SSTR1: variants seen among roughly 807,000 people sequenced by gnomAD.
The protein encoded by SSTR1 is somatostatin receptor 1.
In SSTR1, 10 loss-of-function variants were observed where a neutral mutation model predicts 20.7. That is an observed-to-expected ratio of 0.48 (90% CI 0.30 to 0.82). The LOEUF is 0.82. SSTR1 is among the 40% of genes least tolerant of loss of function. The pLI, the probability that SSTR1 is intolerant of heterozygous loss-of-function variation, is 0.07. For synonymous variants in SSTR1, 267 were observed against 227.8 expected, an observed-to-expected ratio of 1.17 and a Z score of -1.55; for missense variants, 494 against 540.0, an observed-to-expected ratio of 0.91 and a Z score of 0.84.
rs775814651 is a variant in SSTR1 at position 38,209,432 on chromosome 14, A to G, written c.43A>G (p.Ser15Gly). 1 of 1,543,952 alleles carries G rather than the reference A, an allele frequency of 6.5e-7. No individual in the cohort carries two copies. The highest frequency in any genetic ancestry group is 8.7e-7 in the Non-Finnish European group (1 of 1,146,846). Residue 15 changes from serine to glycine, a missense_variant, in exon 3 of 3, where the codon AGC becomes GGC. Ser to Gly is a moderately conservative substitution (Grantham distance 56, BLOSUM62 0). Around this residue, in one of 3 missense-constraint regions of SSTR1, gnomAD observed 98 missense variants for 79.3 expected, o/e 1.24. Coordinates refer to ENST00000267377, the MANE Select transcript of SSTR1 (RefSeq NM_001049.3). ...GTASSPSSSP[S>G]PSPGSCGEGG... ...CGCCTCCTCTCCTTCCTCCTCTCCTAGCCCCAGCCCGGGCAGCTGCGGCGA... is the reference window on the plus strand; with the variant it reads ...CGCCTCCTCTCCTTCCTCCTCTCCTGGCCCCAGCCCGGGCAGCTGCGGCGA...
rs1883241882 is a variant in SSTR1, at chr14:38,207,921, T to G, written c.-695T>G. ...CCAGAGCCAGCTCACAAATCAAGCC[T>G]CAGAAAGAGCTGACATCCTAGCTCT... is the stretch of plus-strand genomic sequence containing the variant. On this transcript the variant is annotated 5_prime_UTR_variant, in exon 1 of 3. Coordinates refer to ENST00000267377, the MANE Select transcript of SSTR1 (RefSeq NM_001049.3). 6.6e-6 allele frequency: 1 copy of G among 152,178 alleles called. No homozygotes were observed. The highest frequency in any genetic ancestry group is 1.5e-5 in the Non-Finnish European group (1 of 68,050). The allele number at this position is 152,178 out of a possible 1,614,324, so 9.4% of individuals were successfully genotyped here.
Position 38,209,769 on chromosome 14 carries a change from C to A in SSTR1, c.380C>A (p.Ala127Glu). The change falls in exon 3 of 3, where the codon GCG (alanine) becomes GAG (glutamate). Residue 127 changes from alanine (A) to glutamate (E), a missense_variant. Physicochemically the swap from Ala to Glu is moderately radical, Grantham distance 107. Transcript: ENST00000267377. Reference sequence around the variant, plus strand: ...TTGTTGCGCCACTGGCCCTTCGGTGCGCTGCTCTGCCGCCTCGTGCTCAGC... The same window carrying A: ...TTGTTGCGCCACTGGCCCTTCGGTGAGCTGCTCTGCCGCCTCGTGCTCAGC... The part of the protein sequence containing the change: ...STLLRHWPFG[A>E]LLCRLVLSVD... 2.5e-6 allele frequency: 4 copies of A among 1,613,988 alleles called. No individual in the cohort carries two copies. Among genetic ancestry groups the A allele is most frequent in the Admixed American group, 1.7e-5 (1 of 60,028 alleles).
Position 38,210,676 on chromosome 14 carries a change from C to T in SSTR1, c.*111C>T. 6.9e-7 allele frequency: 1 copy of T among 1,455,470 alleles called. No individual in the cohort carries two copies. Among genetic ancestry groups the T allele is most frequent in the Non-Finnish European group, 9.1e-7 (1 of 1,103,484 alleles). 90.2% of individuals were successfully genotyped at this position (1,455,470 alleles called of 1,614,324 possible). ...GCGAAAGGGACGGTATCCAGGGCGC[C>T]AGGGTGCTGTCGGGATAACGTGGGG... On this transcript the variant is annotated 3_prime_UTR_variant, in exon 3 of 3. Transcript: ENST00000267377.
Position 38,209,149 on chromosome 14 carries a change from A to C in SSTR1, c.-241A>C. ...TCCCACATCCTGGCCTCTCCTCTCC[A>C]CGGTCGCCTGTGCCCGGGCACCCCG... On this transcript the variant is annotated 5_prime_UTR_variant, in exon 3 of 3. Coordinates refer to ENST00000267377, the MANE Select transcript of SSTR1 (RefSeq NM_001049.3). 1 of 426,188 alleles carries C rather than the reference A, an allele frequency of 2.3e-6. No homozygotes were observed. Among genetic ancestry groups the C allele is most frequent in the Non-Finnish European group, 4.0e-6 (1 of 248,060 alleles). 26.4% of individuals were successfully genotyped at this position (426,188 alleles called of 1,614,324 possible). A position where few individuals can be genotyped will look rare whatever the true frequency, so the allele number is the denominator to read the frequency against.
Position 38,210,702 on chromosome 14 carries a change from C to G in SSTR1, c.*137C>G. 1 of 1,444,570 alleles carries G rather than the reference C, an allele frequency of 6.9e-7. No homozygotes were observed. Among genetic ancestry groups the G allele is most frequent in the Non-Finnish European group, 9.1e-7 (1 of 1,096,960 alleles). The allele number at this position is 1,444,570 out of a possible 1,614,324, so 89.5% of individuals were successfully genotyped here. A position where few individuals can be genotyped will look rare whatever the true frequency, so the allele number is the denominator to read the frequency against. On this transcript the variant is annotated 3_prime_UTR_variant, in exon 3 of 3. Transcript: ENST00000267377. ...AGGGTGCTGTCGGGATAACGTGGGGCTAGGACACTGACAGCCTTTGATGGA... is the reference window on the plus strand; with the variant it reads ...AGGGTGCTGTCGGGATAACGTGGGGGTAGGACACTGACAGCCTTTGATGGA...
chr14:38,209,936 G>A lies in SSTR1; in HGVS notation c.547G>A (p.Val183Met). 6.2e-7 allele frequency: 1 copy of A among 1,613,990 alleles called. No individual in the cohort carries two copies. The highest frequency in any genetic ancestry group is 8.5e-7 in the Non-Finnish European group (1 of 1,180,036). The change falls in exon 3 of 3, where the codon GTG becomes ATG. Residue 183 changes from valine to methionine, a missense_variant. By Grantham distance (21) the Val-to-Met change is conservative. Coordinates refer to ENST00000267377, the MANE Select transcript of SSTR1 (RefSeq NM_001049.3). ...VAKVVNLGVW[V>M]LSLLVILPIV... ...CAAGGTAGTAAACCTGGGCGTGTGG[G>A]TGCTATCGCTGCTCGTCATCCTGCC...
rs1883327293 is a variant in SSTR1, at chr14:38,211,428, A to G, written c.*863A>G. 1 of 167,204 alleles carries G rather than the reference A, an allele frequency of 6.0e-6. No homozygotes were observed. The highest frequency in any genetic ancestry group is 6.5e-5 in the Admixed American group (1 of 15,290). 10.4% of individuals were successfully genotyped at this position (167,204 alleles called of 1,614,324 possible). On this transcript the variant is annotated 3_prime_UTR_variant, in exon 3 of 3. Coordinates refer to ENST00000267377, the MANE Select transcript of SSTR1 (RefSeq NM_001049.3). ...GGCGCGTAATAGGAATCACCCTCCTACTGCGCGTTTTCAAAGACCAAGCGC... is the reference window on the plus strand; with the variant it reads ...GGCGCGTAATAGGAATCACCCTCCTGCTGCGCGTTTTCAAAGACCAAGCGC...
In SSTR1 at chr14:38,212,366, T is replaced by A. The variant is rs930333849; in HGVS notation, c.*1801T>A. On this transcript the variant is annotated 3_prime_UTR_variant, in exon 3 of 3. Transcript: ENST00000267377. ...TGCAAGCAGCACTCAAACCTGGAGC[T>A]GAGGAATCTAATTCAGACAGAGACT... The A allele has an allele frequency of 6.0e-6, 1 of 167,076 alleles. No individual in the cohort carries two copies. Among genetic ancestry groups the A allele is most frequent in the Non-Finnish European group, 1.5e-5 (1 of 68,124 alleles). 10.3% of individuals were successfully genotyped at this position (167,076 alleles called of 1,614,324 possible). A position where few individuals can be genotyped will look rare whatever the true frequency, so the allele number is the denominator to read the frequency against.
rs1416979837 is a variant in SSTR1 at position 38,212,162 on chromosome 14, C to T, written c.*1597C>T. 1 of 166,838 alleles carries T rather than the reference C, an allele frequency of 6.0e-6. No homozygotes were observed. Among genetic ancestry groups the T allele is most frequent in the Non-Finnish European group, 1.5e-5 (1 of 68,096 alleles). 10.3% of individuals were successfully genotyped at this position (166,838 alleles called of 1,614,324 possible). A position where few individuals can be genotyped will look rare whatever the true frequency, so the allele number is the denominator to read the frequency against. ...TGGAAAGTCCTGAACTCCTGGCTTT[C>T]CAGGAGACATATATAGGGGAACATC... On this transcript the variant is annotated 3_prime_UTR_variant, in exon 3 of 3. Coordinates refer to ENST00000267377, the MANE Select transcript of SSTR1 (RefSeq NM_001049.3).
In SSTR1 at chr14:38,213,015, C is replaced by G. The variant is rs11552396; in HGVS notation, c.*2450C>G. 6.0e-6 allele frequency: 1 copy of G among 166,824 alleles called. No homozygotes were observed. Among genetic ancestry groups the G allele is most frequent in the Non-Finnish European group, 1.5e-5 (1 of 68,078 alleles). The allele number at this position is 166,824 out of a possible 1,614,324, so 10.3% of individuals were successfully genotyped here. On this transcript the variant is annotated 3_prime_UTR_variant, in exon 3 of 3. Coordinates refer to ENST00000267377, the MANE Select transcript of SSTR1 (RefSeq NM_001049.3). ...GAGGATACAAATTTAGTGCTCTTAA[C>G]TTGTTACCATTGTAATATTAACTAA...
chr14:38,211,023 C>T lies in SSTR1; in HGVS notation c.*458C>T, dbSNP rs545869607. On this transcript the variant is annotated 3_prime_UTR_variant, in exon 3 of 3. Coordinates refer to ENST00000267377, the MANE Select transcript of SSTR1 (RefSeq NM_001049.3). ...GGATACCGCCACGGGTTTCCCTCGG[C>T]GTTAGTCCCTAGCCGCGCGGGGCCG... 105 of 174,134 alleles carry T rather than the reference C, an allele frequency of 6.0e-4. No homozygotes were observed. Among genetic ancestry groups the T allele is most frequent in the African/African-American group, 2.1e-3 (89 of 41,732 alleles). 10.8% of individuals were successfully genotyped at this position (174,134 alleles called of 1,614,324 possible).
chr14:38,209,439 G>A lies in SSTR1; in HGVS notation c.50G>A (p.Ser17Asn). The change falls in exon 3 of 3, where the codon AGC becomes AAC. Residue 17 changes from serine (S) to asparagine (N), a missense_variant. By Grantham distance (46) the Ser-to-Asn change is conservative. Coordinates refer to ENST00000267377, the MANE Select transcript of SSTR1 (RefSeq NM_001049.3). ...ASSPSSSPSP[S>N]PGSCGEGGGS... ...TCTCCTTCCTCCTCTCCTAGCCCCA[G>A]CCCGGGCAGCTGCGGCGAAGGCGGC... 6.5e-7 allele frequency: 1 copy of A among 1,550,102 alleles called. No individual in the cohort carries two copies. Among genetic ancestry groups the A allele is most frequent in the African/African-American group, 1.4e-5 (1 of 73,238 alleles).
rs758647841 is a variant in SSTR1 at position 38,210,095 on chromosome 14, G to C, written c.706G>C (p.Val236Leu). The change falls in exon 3 of 3, where the codon GTG (valine) becomes CTG (leucine). Residue 236 changes from valine to leucine, a missense_variant. Around this residue, in one of 3 missense-constraint regions of SSTR1, gnomAD observed 280 missense variants for 286.1 expected, o/e 0.98. Coordinates refer to ENST00000267377, the MANE Select transcript of SSTR1 (RefSeq NM_001049.3). ...YTFLMGFLLP[V>L]GAICLCYVLI... ...ATTTCTCATGGGCTTCCTGCTGCCC[G>C]TGGGGGCTATCTGCCTGTGCTACGT... 2 of 1,614,228 alleles carry C rather than the reference G, an allele frequency of 1.2e-6. No individual in the cohort carries two copies. The highest frequency in any genetic ancestry group is 2.2e-5 in the South Asian group (2 of 91,090).
At chr14:38,208,999 C>T (rs1391881374) in intron 2 of SSTR1, 47 bp from the exon 3 acceptor site, 2 of 184,178 alleles carry the variant, frequency 1.1e-5, no homozygotes, top group Non-Finnish European at 2.2e-5. Flanking sequence ...GGACAAGCCA[C>T]CTATGTGCTC....
Position 38,210,878 on chromosome 14 carries a change from C to T in SSTR1, c.*313C>T. 1 of 379,832 alleles carries T rather than the reference C, an allele frequency of 2.6e-6. No individual in the cohort carries two copies. 23.5% of individuals were successfully genotyped at this position (379,832 alleles called of 1,614,324 possible). ...CTGACCCTCCTTCTATTTTCCCTAC[C>T]CTGCAACTTCTATCCTTTCTTCCGC... On this transcript the variant is annotated 3_prime_UTR_variant, in exon 3 of 3. Coordinates refer to ENST00000267377, the MANE Select transcript of SSTR1 (RefSeq NM_001049.3).
Position 38,210,152 on chromosome 14 carries a change from C to T in SSTR1, c.763C>T (p.Leu255Phe). 6.2e-7 allele frequency: 1 copy of T among 1,614,254 alleles called. No individual in the cohort carries two copies. The highest frequency in any genetic ancestry group is 1.3e-5 in the African/African-American group (1 of 75,076). Residue 255 changes from leucine to phenylalanine, a missense_variant, in exon 3 of 3, where the codon CTC (leucine) becomes TTC (phenylalanine). Leu to Phe is a conservative substitution (Grantham distance 22). This residue lies in a region of SSTR1 where 280 missense variants were observed against 286.1 expected (regional missense o/e 0.98). Coordinates refer to ENST00000267377, the MANE Select transcript of SSTR1 (RefSeq NM_001049.3). ...LIIAKMRMVA[L>F]KAGWQQRKRS... ...CATTGCTAAGATGCGCATGGTGGCC[C>T]TCAAGGCCGGCTGGCAGCAGCGCAA...
Position 38,210,169 on chromosome 14 carries a change from G to C in SSTR1, c.780G>C (p.Gln260His). The C allele has an allele frequency of 1.2e-6, 2 of 1,614,244 alleles. No homozygotes were observed. The highest frequency in any genetic ancestry group is 8.5e-7 in the Non-Finnish European group (1 of 1,180,048). ...TGGTGGCCCTCAAGGCCGGCTGGCA[G>C]CAGCGCAAGCGCTCGGAGCGCAAGA... is the stretch of plus-strand genomic sequence containing the variant. ...MRMVALKAGW[Q>H]QRKRSERKIT... The change falls in exon 3 of 3, where the codon CAG (glutamine) becomes CAC (histidine). Residue 260 changes from glutamine (Q) to histidine (H), a missense_variant. Transcript: ENST00000267377.
Position 38,210,723 on chromosome 14 carries a change from A to T in SSTR1, c.*158A>T, listed in dbSNP as rs1883313173. 3.5e-6 allele frequency: 5 copies of T among 1,431,710 alleles called. No homozygotes were observed. In the South Asian group the frequency reaches 7.8e-5, roughly 22 times the overall value. The allele number at this position is 1,431,710 out of a possible 1,614,324, so 88.7% of individuals were successfully genotyped here. ...GGGGCTAGGACACTGACAGCCTTTGATGGAGGAACCCAAGAAAGGCGCGCG... is the reference window on the plus strand; with the variant it reads ...GGGGCTAGGACACTGACAGCCTTTGTTGGAGGAACCCAAGAAAGGCGCGCG... On this transcript the variant is annotated 3_prime_UTR_variant, in exon 3 of 3. Coordinates refer to ENST00000267377, the MANE Select transcript of SSTR1 (RefSeq NM_001049.3).
rs2139299496 is a variant in SSTR1 at position 38,212,237 on chromosome 14, A to G, written c.*1672A>G. ...ATATATTTATATATATGATGTGGACATATGTATACTTATCTTGCTCCATTG... is the reference window on the plus strand; with the variant it reads ...ATATATTTATATATATGATGTGGACGTATGTATACTTATCTTGCTCCATTG... On this transcript the variant is annotated 3_prime_UTR_variant, in exon 3 of 3. Transcript: ENST00000267377. 6.0e-6 allele frequency: 1 copy of G among 167,080 alleles called. No individual in the cohort carries two copies. Among genetic ancestry groups the G allele is most frequent in the Non-Finnish European group, 1.5e-5 (1 of 68,104 alleles). 10.3% of individuals were successfully genotyped at this position (167,080 alleles called of 1,614,324 possible). A position where few individuals can be genotyped will look rare whatever the true frequency, so the allele number is the denominator to read the frequency against.
Sources: gnomAD v4.1 joint callset for allele counts on GRCh38, gnomAD v4.1.1 for gene constraint, gnomAD v4.1.1 regional missense constraint, MANE v1.5 for transcripts, NCBI Gene and HGNC (gene_info 2026-07-23, HGNC 2026-07-21) for gene names.